The following PPFIA2 variants were observed in gnomAD, a reference collection of about 807,000 sequenced individuals.
PPFIA2 encodes the protein liprin-alpha-2.
A neutral mutation model predicts 175.5 loss-of-function variants in PPFIA2; 46 were observed. The observed-to-expected ratio is 0.26, with a 90% CI of 0.21 to 0.34. The LOEUF is 0.34. Among genes scored for constraint, PPFIA2 ranks in the 10% least tolerant of loss-of-function variants. PPFIA2 has a pLI of 1.00. For synonymous variants in PPFIA2, 568 were observed against 511.4 expected (o/e 1.11, Z -1.49); for missense variants, 1,179 against 1,506.1 (o/e 0.78, Z 3.60).
At chr12:81,739,619 C>T (rs35087297) in intron 3 of PPFIA2, among the ~76,000 whole-genome samples, 25,859 of 151,816 alleles carry the variant, frequency 0.17, 2,668 homozygotes, top group Middle Eastern at 0.29. Context: ...CGATCAGCAA[C>T]ATATCAATGC....
chr12:81,753,915 T>C (rs755202834), intron 3 of PPFIA2, 58 bp downstream of exon 3: 9 of 1,584,382 alleles, frequency 5.7e-6, no homozygotes, highest in Non-Finnish European at 7.8e-6. Context: ...GGGAGTAAAG[T>C]GAATCTTAAC....
intron 4 of PPFIA2, among the ~76,000 whole-genome samples, chr12:81,657,221 G>A (rs1382153558): frequency 6.6e-6 from 1 of 152,164 alleles, no homozygotes; most frequent in East Asian, 1.9e-4. Flanking sequence ...ATCTTCTGGA[G>A]ACCCAGAGAG....
At chr12:81,439,422 A>C (rs2144949048) in intron 7 of PPFIA2, among the ~76,000 whole-genome samples, 1 of 152,010 alleles carries the variant, frequency 6.6e-6, no homozygotes, top group South Asian at 2.1e-4. Flanking sequence ...GTGCGTTAAA[A>C]CCCAAGAGAA....
chr12:81,599,418 TACATTCTGATAA>T (rs1159172119), intron 4 of PPFIA2, among the ~76,000 whole-genome samples: 1 of 152,038 alleles, frequency 6.6e-6, no homozygotes, highest in African/African-American at 2.4e-5. Flanking sequence ...ATGGGACTCC[TACATTCTGATAA>T]ATTAAGTGTG....
intron 4 of PPFIA2, among the ~76,000 whole-genome samples, chr12:81,465,723 G>A (rs1234954801): frequency 6.6e-6 from 1 of 151,900 alleles, no homozygotes; most frequent in Non-Finnish European, 1.5e-5. Flanking sequence ...TTCTAGAACC[G>A]ATTAATAACA....
intron 26 of PPFIA2, 27 bp downstream of exon 26, chr12:81,282,983 G>A: frequency 1.9e-6 from 3 of 1,591,084 alleles, no homozygotes; most frequent in Non-Finnish European, 2.6e-6. Flanking sequence ...ATGATATTAA[G>A]GGTCTTAAAG....
chr12:81,686,205 A>C (rs1318257481), intron 3 of PPFIA2, among the ~76,000 whole-genome samples: 12 of 152,090 alleles, frequency 7.9e-5, no homozygotes. Flanking sequence ...AATAATTCTG[A>C]GGTGGCTGAT....
rs2034432357 is a variant in PPFIA2, at chr12:81,258,506, T to C, written c.*1188A>G. 6.6e-6 allele frequency: 1 copy of C among 152,160 alleles called. No individual in the cohort carries two copies. The highest frequency in any genetic ancestry group is 2.1e-4 in the South Asian group (1 of 4,830). The allele number at this position is 152,160 out of a possible 1,614,324, so 9.4% of individuals were successfully genotyped here. A position where few individuals can be genotyped will look rare whatever the true frequency, so the allele number is the denominator to read the frequency against. ...TAGGCTTTACTTTGAATCTCCCATA[T>C]AAACAAAGAATAAACAACAGTAACA... is the stretch of plus-strand genomic sequence containing the variant. On this transcript the variant is annotated 3_prime_UTR_variant, in exon 33 of 33. Transcript: ENST00000549396.
At chr12:81,695,633 C>A (rs571473682) in intron 3 of PPFIA2, among the ~76,000 whole-genome samples, 1 of 152,274 alleles carries the variant, frequency 6.6e-6, no homozygotes, top group East Asian at 1.9e-4. Context: ...TGGCCTAATA[C>A]AAGATACTTT....
At chr12:81,631,039 C>T (rs561711148) in intron 4 of PPFIA2, among the ~76,000 whole-genome samples, 35 of 151,850 alleles carry the variant, frequency 2.3e-4, no homozygotes, top group Admixed American at 5.9e-4. Context: ...GGACTACAGG[C>T]GCTCGCTACC....
At chr12:81,324,981 CCTAT>C (rs1173183945) in intron 22 of PPFIA2, among the ~76,000 whole-genome samples, 1 of 151,730 alleles carries the variant, frequency 6.6e-6, no homozygotes, top group Non-Finnish European at 1.5e-5. Context: ...ATCCTAAGAG[CCTAT>C]CTGTTACCAA....
chr12:81,303,558 T>G (rs1335940170), intron 22 of PPFIA2, among the ~76,000 whole-genome samples: 1 of 152,214 alleles, frequency 6.6e-6, no homozygotes, highest in Non-Finnish European at 1.5e-5. Context: ...CAATAAAGAA[T>G]GCTGTTAGTA....
intron 4 of PPFIA2, among the ~76,000 whole-genome samples, chr12:81,539,269 CA>C (rs2065863124): frequency 6.6e-6 from 1 of 151,940 alleles, no homozygotes; most frequent in Non-Finnish European, 1.5e-5. Flanking sequence ...GTCTGAAGGT[CA>C]GGGGAGAAAT....
At chr12:81,300,202 G>A (rs2047472734) in intron 22 of PPFIA2, among the ~76,000 whole-genome samples, 1 of 152,124 alleles carries the variant, frequency 6.6e-6, no homozygotes, top group African/African-American at 2.4e-5. Flanking sequence ...TAAGATAGTA[G>A]CTATGTGCTT....
intron 8 of PPFIA2, among the ~76,000 whole-genome samples, chr12:81,392,681 T>C (rs1312438019): frequency 6.6e-6 from 1 of 151,988 alleles, no homozygotes; most frequent in East Asian, 1.9e-4. Context: ...AACTTATATA[T>C]TATTGTACAT....
chr12:81,429,052 T>TAAATGAA (rs1353450154), intron 7 of PPFIA2, among the ~76,000 whole-genome samples: 2 of 152,100 alleles, frequency 1.3e-5, no homozygotes, highest in East Asian at 1.9e-4. Flanking sequence ...GTTCGAATGT[T>TAAATGAA]AACTGAAAAT....
At chr12:81,611,925 C>A (rs2060960159) in intron 4 of PPFIA2, among the ~76,000 whole-genome samples, 1 of 152,122 alleles carries the variant, frequency 6.6e-6, no homozygotes, top group South Asian at 2.1e-4. Context: ...AACCAAATCT[C>A]ATTTCCCTCA....
At chr12:81,550,453 T>A (rs2067728664) in intron 4 of PPFIA2, among the ~76,000 whole-genome samples, 1 of 151,998 alleles carries the variant, frequency 6.6e-6, no homozygotes, top group Non-Finnish European at 1.5e-5. Context: ...AGAAGCGATG[T>A]GATCCAATTA....
At chr12:81,262,081 T>G (rs370167407) in intron 31 of PPFIA2, 41 bp from the exon 32 acceptor site, 1 of 1,365,480 alleles carries the variant, frequency 7.3e-7, no homozygotes, top group Admixed American at 1.8e-5. Context: ...CTTGGATGAT[T>G]GAGTACAAGA....
Sources: allele counts gnomAD v4.1 joint callset (sites outside exome capture counted in the v4.1 genomes callset), GRCh38; gene constraint gnomAD v4.1.1; transcripts MANE v1.5; gene names NCBI Gene and HGNC (gene_info 2026-07-23, HGNC 2026-07-21).